TNKS: variants seen among roughly 807,000 people sequenced by gnomAD.
TNKS encodes poly [ADP-ribose] polymerase tankyrase-1.
In TNKS, 72 loss-of-function variants were observed where a neutral mutation model predicts 135.8. The ratio of observed to expected loss-of-function variants is 0.53; its 90% CI spans 0.44 to 0.64. TNKS has a LOEUF of 0.64. Ranked by LOEUF, TNKS falls within the 30% of genes least tolerant of loss-of-function variation. The pLI is 0.00. For synonymous variants in TNKS, 849 were observed against 649.3 expected (o/e 1.31, Z -4.68); for missense variants, 1,769 against 1,674.0 (o/e 1.06, Z -0.99).
At chr8:9,666,081 G>GT (rs1801973889) in intron 3 of TNKS, among the ~76,000 whole-genome samples, 1 of 152,092 alleles carries the variant, frequency 6.6e-6, no homozygotes. Flanking sequence ...TGCTCCTACT[G>GT]TAGTAACAGC....
chr8:9,604,147 C>T (rs1799129780), intron 2 of TNKS, among the ~76,000 whole-genome samples: 1 of 152,190 alleles, frequency 6.6e-6, no homozygotes, highest in East Asian at 1.9e-4. Flanking sequence ...TTGCAGGATA[C>T]TATATATGCA....
chr8:9,700,470 A>C (rs919851891), intron 5 of TNKS, among the ~76,000 whole-genome samples: 5 of 152,110 alleles, frequency 3.3e-5, no homozygotes, highest in African/African-American at 1.2e-4. Context: ...TTTAGCCTTA[A>C]CCTCTTCTGA....
At chr8:9,580,792 C>A (rs1325316674) in intron 2 of TNKS, among the ~76,000 whole-genome samples, 1 of 152,052 alleles carries the variant, frequency 6.6e-6, no homozygotes, top group Non-Finnish European at 1.5e-5. Flanking sequence ...AGTCCCCCCG[C>A]TTATATGGGG....
At chr8:9,568,821 C>G (rs940829820) in intron 1 of TNKS, among the ~76,000 whole-genome samples, 2 of 151,860 alleles carry the variant, frequency 1.3e-5, no homozygotes, top group South Asian at 2.1e-4. Flanking sequence ...TCTGTACCCA[C>G]AGTTGATAAG....
At chr8:9,617,324 T>C (rs996988499) in intron 3 of TNKS, among the ~76,000 whole-genome samples, 3 of 152,242 alleles carry the variant, frequency 2.0e-5, no homozygotes, top group Admixed American at 6.5e-5. Context: ...CACTGTACTT[T>C]GCTTAGATAG....
chr8:9,732,989 A>G (rs1374065625), intron 14 of TNKS, among the ~76,000 whole-genome samples: 2 of 152,246 alleles, frequency 1.3e-5, no homozygotes, highest in Non-Finnish European at 2.9e-5. Flanking sequence ...TTTATAAGTA[A>G]GCATACAATT....
intron 26 of TNKS, among the ~76,000 whole-genome samples, chr8:9,772,943 C>G (rs74301632): frequency 0.083 from 12,312 of 148,294 alleles, 555 homozygotes; most frequent in South Asian, 0.14. Flanking sequence ...ATAAATAAAA[C>G]CTTCCCAAAC....
Position 9,556,202 on chromosome 8 carries a change from G to T in TNKS, c.263G>T (p.Ser88Ile). Residue 88 changes from serine to isoleucine, a missense_variant, in exon 1 of 27, where the codon AGC (serine) becomes ATC (isoleucine). This residue lies in a region of TNKS where 450 missense variants were observed against 304.9 expected (regional missense o/e 1.48). Transcript: ENST00000310430. The stretch of plus-strand genomic sequence containing the variant: ...TCCCCGGACCCGGTTGACGGTACCA[G>T]CTGTTGCAGTACCACCAGCACAATC... ...PRSPDPVDGT[S>I]CCSTTSTICT... The T allele has an allele frequency of 6.2e-7, 1 of 1,614,104 alleles. No individual in the cohort carries two copies.
intron 17 of TNKS, among the ~76,000 whole-genome samples, chr8:9,747,143 A>T (rs960482371): frequency 6.6e-6 from 1 of 151,954 alleles, no homozygotes; most frequent in Non-Finnish European, 1.5e-5. Context: ...TCAGCCTCCC[A>T]AAGTGCTGGG....
intron 12 of TNKS, chr8:9,722,305 T>C (rs1406316324): frequency 1.3e-5 from 2 of 152,122 alleles, no homozygotes; most frequent in Non-Finnish European, 2.9e-5. Context: ...TATGTGTATA[T>C]TGTTATAGGA....
At chr8:9,751,998 A>G (rs1236811613) in intron 19 of TNKS, 152 bp downstream of exon 19, 2 of 709,850 alleles carry the variant, frequency 2.8e-6, no homozygotes, top group Non-Finnish European at 4.6e-6. Context: ...ATATTTCTTC[A>G]TAGAAGGCTG....
At chr8:9,668,045 A>G (rs1802084140) in intron 3 of TNKS, among the ~76,000 whole-genome samples, 1 of 152,206 alleles carries the variant, frequency 6.6e-6, no homozygotes. Context: ...AACCTGCAGC[A>G]ACTTGTTCAT....
intron 2 of TNKS, among the ~76,000 whole-genome samples, chr8:9,598,059 C>T (rs1238205028): frequency 6.6e-6 from 1 of 152,022 alleles, no homozygotes; most frequent in African/African-American, 2.4e-5. Context: ...AGAATGTTGG[C>T]ATTTCAGTCT....
intron 17 of TNKS, among the ~76,000 whole-genome samples, chr8:9,747,323 G>C (rs762576238): frequency 1.9e-4 from 25 of 134,502 alleles, no homozygotes; most frequent in Non-Finnish European, 3.3e-4. Context: ...TGTGAATTTG[G>C]CTTTTAAACA....
Position 9,680,767 on chromosome 8 carries a change from A to C in TNKS, c.1074A>C (p.Leu358=). ...AACTAATGGCTTTACTGACTCCTCT[A>C]AATGTGAATTGCCATGCAAGTGATG... ...EEKLMALLTP[L]NVNCHASDGR... Residue 358 remains leucine, a synonymous_variant, in exon 5 of 27, where the codon CTA becomes CTC. Coordinates refer to ENST00000310430, the MANE Select transcript of TNKS (RefSeq NM_003747.3). 1 of 1,612,644 alleles carries C rather than the reference A, an allele frequency of 6.2e-7. No individual in the cohort carries two copies. Among genetic ancestry groups the C allele is most frequent in the Non-Finnish European group, 8.5e-7 (1 of 1,179,112 alleles).
chr8:9,640,189 A>C (rs898863095), intron 3 of TNKS, among the ~76,000 whole-genome samples: 2 of 152,230 alleles, frequency 1.3e-5, no homozygotes, highest in Non-Finnish European at 2.9e-5. Context: ...TATAAAGAAA[A>C]GAATTTTTAT....
intron 12 of TNKS, among the ~76,000 whole-genome samples, chr8:9,725,659 A>G (rs548154244): frequency 1.3e-5 from 2 of 152,334 alleles, no homozygotes; most frequent in African/African-American, 4.8e-5. Context: ...TGAGTTGTCC[A>G]AAGTTGTAGA....
intron 3 of TNKS, among the ~76,000 whole-genome samples, chr8:9,662,950 G>A (rs746178980): frequency 1.3e-4 from 20 of 152,296 alleles, no homozygotes; most frequent in Admixed American, 1.3e-4. Flanking sequence ...CTGCGGATGT[G>A]ATTAAGTTAA....
At chr8:9,666,353 T>C (rs1169292503) in intron 3 of TNKS, among the ~76,000 whole-genome samples, 1 of 152,132 alleles carries the variant, frequency 6.6e-6, no homozygotes, top group Non-Finnish European at 1.5e-5. Context: ...TTTTCAAACA[T>C]TCTAAACTAA....
Sources: allele counts gnomAD v4.1 joint callset (sites outside exome capture counted in the v4.1 genomes callset), GRCh38; gene constraint gnomAD v4.1.1; regional missense constraint gnomAD v4.1.1; transcripts MANE v1.5; gene names NCBI Gene and HGNC (gene_info 2026-07-23, HGNC 2026-07-21).